CNTN6: variants seen among roughly 807,000 people sequenced by gnomAD.
CNTN6 encodes contactin 6, also known as contactin-6.
A neutral mutation model predicts 122.8 loss-of-function variants in CNTN6; 137 were observed. The observed-to-expected ratio is 1.12, with a 90% confidence interval of 0.97 to 1.29. The LOEUF (loss-of-function observed/expected upper bound fraction) is 1.29. CNTN6 is among the 50% of genes most tolerant of loss of function. The pLI, the probability that CNTN6 is intolerant of heterozygous loss-of-function variation, is 0.00. For missense variants in CNTN6, 1,634 were observed against 1,223.4 expected (o/e 1.34, Z -5.01); for synonymous variants, 570 against 426.0 (o/e 1.34, Z -4.16).
intron 7 of CNTN6, among the ~76,000 whole-genome samples, chr3:1,311,937 G>T (rs1308376303): frequency 6.6e-6 from 1 of 151,656 alleles, no homozygotes; most frequent in Non-Finnish European, 1.5e-5. Flanking sequence ...CATCAATTTT[G>T]TTTCCAATTT....
intron 7 of CNTN6, among the ~76,000 whole-genome samples, chr3:1,319,482 TATC>T (rs1289097610): frequency 7.9e-5 from 12 of 151,806 alleles, no homozygotes; most frequent in African/African-American, 1.9e-4. Context: ...TTATTACAAT[TATC>T]ATAATTGTCA....
intron 11 of CNTN6, among the ~76,000 whole-genome samples, chr3:1,332,293 A>G (rs1270283962): frequency 6.6e-6 from 1 of 151,958 alleles, no homozygotes; most frequent in Non-Finnish European, 1.5e-5. Flanking sequence ...CACACTTTCT[A>G]GCTTGTCCTT....
At chr3:1,098,206 G>C (rs926377793) in intron 1 of CNTN6, among the ~76,000 whole-genome samples, 20 of 151,612 alleles carry the variant, frequency 1.3e-4, no homozygotes, top group Non-Finnish European at 2.6e-4. Flanking sequence ...TGCACATTGT[G>C]CACATGTACC....
chr3:1,162,726 A>G (rs1559431467), intron 2 of CNTN6, among the ~76,000 whole-genome samples: 1 of 152,224 alleles, frequency 6.6e-6, no homozygotes. Context: ...TATGTTTGAG[A>G]ACACATTTCC....
chr3:1,200,931 TTC>T (rs1311086326), intron 2 of CNTN6, among the ~76,000 whole-genome samples: 1 of 146,976 alleles, frequency 6.8e-6, no homozygotes, highest in Non-Finnish European at 1.5e-5. Context: ...CGTTCTTTTT[TTC>T]TTTTTTTTTT....
chr3:1,373,776 G>T lies in CNTN6; in HGVS notation c.1945+14G>T. Reference sequence around the variant, plus strand: ...CTGTTGCTACAGGTGAGTGACAAAAGTGTTTTGGGTCACTTTAAAAATAAT... The same window carrying T: ...CTGTTGCTACAGGTGAGTGACAAAATTGTTTTGGGTCACTTTAAAAATAAT... On this transcript the variant is annotated intron_variant, in intron 15 of 22. Transcript: ENST00000446702. The T allele has an allele frequency of 6.3e-7, 1 of 1,575,244 alleles. No homozygotes were observed. The highest frequency in any genetic ancestry group is 8.6e-7 in the Non-Finnish European group (1 of 1,162,660).
chr3:1,360,402 C>T (rs981977936), intron 12 of CNTN6, among the ~76,000 whole-genome samples: 2 of 152,026 alleles, frequency 1.3e-5, no homozygotes, highest in African/African-American at 4.8e-5. Context: ...GAAACTCATA[C>T]TTCTTGGTCC....
At chr3:1,119,360 G>A (rs73816483) in intron 1 of CNTN6, among the ~76,000 whole-genome samples, 7,099 of 22,592 alleles carry the variant, frequency 0.31, 636 homozygotes, top group African/African-American at 0.49. Context: ...TGTGGAGAAT[G>A]TCTCTTTGGC....
At chr3:1,095,810 G>A (rs72993889) in intron 1 of CNTN6, among the ~76,000 whole-genome samples, 1 of 152,178 alleles carries the variant, frequency 6.6e-6, no homozygotes, top group Non-Finnish European at 1.5e-5. Context: ...AACTACATCA[G>A]TTTTACATTA....
At chr3:1,339,957 G>A (rs932560042) in intron 11 of CNTN6, among the ~76,000 whole-genome samples, 9 of 152,058 alleles carry the variant, frequency 5.9e-5, no homozygotes, top group Non-Finnish European at 1.2e-4. Context: ...GAATAATAAT[G>A]ATGATGATAT....
At chr3:1,260,393 C>A (rs1297910933) in intron 4 of CNTN6, among the ~76,000 whole-genome samples, 1 of 151,962 alleles carries the variant, frequency 6.6e-6, no homozygotes, top group Non-Finnish European at 1.5e-5. Flanking sequence ...TATTTTATAC[C>A]ATTAACTGTG....
At chr3:1,196,775 C>T (rs927989754) in intron 2 of CNTN6, among the ~76,000 whole-genome samples, 7 of 152,192 alleles carry the variant, frequency 4.6e-5, no homozygotes, top group South Asian at 2.1e-4. Flanking sequence ...ATTATTTATT[C>T]GCCAAATATG....
At chr3:1,102,554 C>A (rs572097298) in intron 1 of CNTN6, among the ~76,000 whole-genome samples, 7 of 150,014 alleles carry the variant, frequency 4.7e-5, no homozygotes, top group African/African-American at 1.7e-4. Flanking sequence ...CACGGTGAAA[C>A]CCCGTCTCTA....
chr3:1,402,394 C>T lies in CNTN6; in HGVS notation c.2894C>T (p.Pro965Leu). 1 of 1,612,372 alleles carries T rather than the reference C, an allele frequency of 6.2e-7. No homozygotes were observed. Among genetic ancestry groups the T allele is most frequent in the Middle Eastern group, 1.7e-4 (1 of 6,018 alleles). ...AATACATCAGCTGAGCTTCTGGTTC[C>T]ATTTGAAGAAGACTACTTAATTGAA... Reference protein sequence around the residue: ...TNNTSAELLVPFEEDYLIEIR... With the variant: ...TNNTSAELLVLFEEDYLIEIR... The change falls in exon 22 of 23, where the codon CCA becomes CTA. Residue 965 changes from proline (P) to leucine (L), a missense_variant. Physicochemically the swap from Pro to Leu is moderately conservative, Grantham distance 98. Coordinates refer to ENST00000446702, the MANE Select transcript of CNTN6 (RefSeq NM_001289080.2).
intron 2 of CNTN6, among the ~76,000 whole-genome samples, chr3:1,201,863 T>C (rs1341896105): frequency 6.6e-6 from 1 of 151,948 alleles, no homozygotes; most frequent in Non-Finnish European, 1.5e-5. Context: ...GTTAACCGAA[T>C]AACAGCAGGG....
At chr3:1,147,065 A>C (rs1380479922) in intron 1 of CNTN6, among the ~76,000 whole-genome samples, 2 of 152,086 alleles carry the variant, frequency 1.3e-5, no homozygotes. Flanking sequence ...ACAATTTAAA[A>C]ATACATCAAG....
chr3:1,127,890 T>C (rs2092219954), intron 1 of CNTN6, among the ~76,000 whole-genome samples: 1 of 151,920 alleles, frequency 6.6e-6, no homozygotes, highest in Non-Finnish European at 1.5e-5. Flanking sequence ...GAAACACAGA[T>C]TGTTCAAGGG....
chr3:1,325,260 A>AT (rs1356126659), intron 8 of CNTN6, among the ~76,000 whole-genome samples: 1 of 151,844 alleles, frequency 6.6e-6, no homozygotes, highest in East Asian at 1.9e-4. Context: ...AAAACTCCAA[A>AT]TGTTCACCAT....
Position 1,298,145 on chromosome 3 carries a change from A to G in CNTN6, c.761+154A>G, listed in dbSNP as rs532668845. On this transcript the variant is annotated intron_variant, in intron 7 of 22. Coordinates refer to ENST00000446702, the MANE Select transcript of CNTN6 (RefSeq NM_001289080.2). Reference sequence around the variant, plus strand: ...AACTTTCTGATTTGAATTTAAACAAACATGTCTAATACTGAGACAATGACC... The same window carrying G: ...AACTTTCTGATTTGAATTTAAACAAGCATGTCTAATACTGAGACAATGACC... 28 of 599,034 alleles carry G rather than the reference A, an allele frequency of 4.7e-5. No homozygotes were observed. The East Asian group carries it at 7.1e-4, about 15-fold the overall frequency. 37.1% of individuals were successfully genotyped at this position (599,034 alleles called of 1,614,324 possible).
Sources: gnomAD v4.1 joint callset for allele counts (sites outside exome capture counted in the v4.1 genomes callset) on GRCh38, gnomAD v4.1.1 for gene constraint, MANE v1.5 for transcripts, NCBI Gene and HGNC (gene_info 2026-07-23, HGNC 2026-07-21) for gene names.